BCL7B: variants seen among roughly 807,000 people sequenced by gnomAD.
The protein encoded by BCL7B is B-cell CLL/lymphoma 7 protein family member B.
BCL7B carries 11 observed loss-of-function variants against 26.5 expected under a neutral mutation model. The observed-to-expected ratio is 0.42, with a 90% CI of 0.26 to 0.69. BCL7B has a LOEUF of 0.69. Among genes scored for constraint, BCL7B ranks in the 30% least tolerant of loss-of-function variants. The pLI is 0.28. For synonymous variants in BCL7B, 111 were observed against 107.9 expected, an observed-to-expected ratio of 1.03 and a Z score of -0.18; for missense variants, 215 against 264.4, an observed-to-expected ratio of 0.81 and a Z score of 1.30.
At chr7:73,551,075 C>G (rs1009650320) in intron 2 of BCL7B, among the ~76,000 whole-genome samples, 1 of 152,134 alleles carries the variant, frequency 6.6e-6, no homozygotes, top group Non-Finnish European at 1.5e-5. Flanking sequence ...AGGTCTACAC[C>G]AGAATTAGAA....
At chr7:73,550,803 G>A (rs10226965) in intron 2 of BCL7B, among the ~76,000 whole-genome samples, 6,351 of 151,472 alleles carry the variant, frequency 0.042, 452 homozygotes, top group African/African-American at 0.14. Context: ...GACTACAGGC[G>A]CCCACCACCA....
rs139761938 is a variant in BCL7B, at chr7:73,537,872, C to G, written c.516+62G>C. ...CACCACTGCACTCTAGTCTGGGCAA[C>G]AGCGAGACCCTGCCTTAAACCAAAA... is the stretch of plus-strand genomic sequence containing the variant. On this transcript the variant is annotated intron_variant, in intron 5 of 5. Transcript: ENST00000223368. 1,656 of 1,277,312 alleles carry G rather than the reference C, an allele frequency of 1.3e-3. 4 individuals carry two copies. Among genetic ancestry groups the G allele is most frequent in the Non-Finnish European group, 1.7e-3 (1,522 of 915,406 alleles). The allele number at this position is 1,277,312 out of a possible 1,614,324, so 79.1% of individuals were successfully genotyped here. A position where few individuals can be genotyped will look rare whatever the true frequency, so the allele number is the denominator to read the frequency against.
At chr7:73,548,256 T>C (rs577803981) in intron 2 of BCL7B, among the ~76,000 whole-genome samples, 89 of 151,974 alleles carry the variant, frequency 5.9e-4, no homozygotes, top group African/African-American at 2.1e-3. Context: ...GGTAAAACCC[T>C]GTCTCTACTA....
rs782453659 is a variant in BCL7B, at chr7:73,539,907, T to C, written c.411A>G (p.Pro137=). ...CCTCCAGGATCTCCTGGCCCAGCGT[T>C]GGGGGCTGGGAGTCATCCGTGCGGA... ...SDFRTDDSQP[P]TLGQEILEEP... Residue 137 remains proline (P), a synonymous_variant, in exon 4 of 6, where the codon CCA becomes CCG. Transcript: ENST00000223368. 6.2e-6 allele frequency: 10 copies of C among 1,613,834 alleles called. No individual in the cohort carries two copies. In the South Asian group the frequency reaches 1.1e-4, roughly 18 times the overall value.
chr7:73,542,425 T>C (rs189438734), intron 3 of BCL7B, among the ~76,000 whole-genome samples: 20 of 152,328 alleles, frequency 1.3e-4, no homozygotes, highest in Admixed American at 9.2e-4. Flanking sequence ...CATAAACTCA[T>C]GCTAGTCTTG....
intron 1 of BCL7B, among the ~76,000 whole-genome samples, chr7:73,552,989 A>G (rs1454922201): frequency 1.3e-5 from 2 of 152,028 alleles, no homozygotes; most frequent in Admixed American, 6.6e-5. Context: ...TGGCACAATC[A>G]TAACTCACTG....
rs782454756 is a variant in BCL7B, at chr7:73,557,479, C to A, written c.92+8G>T. 2.1e-6 allele frequency: 3 copies of A among 1,414,354 alleles called. No individual in the cohort carries two copies. Among genetic ancestry groups the A allele is most frequent in the South Asian group, 1.5e-5 (1 of 66,500 alleles). 87.6% of individuals were successfully genotyped at this position (1,414,354 alleles called of 1,614,324 possible). On this transcript the variant is annotated splice_region_variant and intron_variant, in intron 1 of 5. Coordinates refer to ENST00000223368, the MANE Select transcript of BCL7B (RefSeq NM_001707.4). ...CCCCCGCCAGCCCCCTAAGCTCCGG[C>A]CCCTCACCATTTCCGCACTTTCTCG...
rs782570753 is a variant in BCL7B, at chr7:73,540,051, G to A, written c.267C>T (p.Asp89=). The change falls in exon 4 of 6, where the codon GAC becomes GAT. Residue 89 remains aspartate, a splice_region_variant and synonymous_variant. Coordinates refer to ENST00000223368, the MANE Select transcript of BCL7B (RefSeq NM_001707.4). ...ACACGGAACTCTGGTTGCTGTTTTC[G>A]TCTGAAAACCAAACAGAACAAAGGC... The part of the protein sequence containing the change: ...ANSSLLLEFQ[D]ENSNQSSVSD... 25 of 1,613,144 alleles carry A rather than the reference G, an allele frequency of 1.5e-5. No homozygotes were observed. Among genetic ancestry groups the A allele is most frequent in the Middle Eastern group, 1.6e-4 (1 of 6,084 alleles).
intron 4 of BCL7B, among the ~76,000 whole-genome samples, chr7:73,539,208 C>A (rs186053073): frequency 3.2e-4 from 49 of 152,244 alleles, no homozygotes; most frequent in African/African-American, 1.1e-3. Context: ...GATCCACCCA[C>A]TTCGGCCTCC....
In BCL7B at chr7:73,537,137, G is replaced by A; in HGVS notation, c.*161C>T. ...ACACAGGTGCCAGGGTCAGGAAGAT[G>A]ATGCTACAGCCCCAAGTCCTACGCC... On this transcript the variant is annotated 3_prime_UTR_variant, in exon 6 of 6. Transcript: ENST00000223368. 2 of 595,952 alleles carry A rather than the reference G, an allele frequency of 3.4e-6. No homozygotes were observed. The highest frequency in any genetic ancestry group is 3.0e-6 in the Non-Finnish European group (1 of 338,018). 36.9% of individuals were successfully genotyped at this position (595,952 alleles called of 1,614,324 possible).
chr7:73,557,644 G>GCGCCGCCGCCCGCCCGC lies in BCL7B; in HGVS notation c.-83_-67dup, dbSNP rs1241705608. 5.0e-6 allele frequency: 5 copies of GCGCCGCCGCCCGCCCGC among 1,005,006 alleles called. No individual in the cohort carries two copies. The African/African-American group carries it at 8.6e-5, about 17-fold the overall frequency. 62.3% of individuals were successfully genotyped at this position (1,005,006 alleles called of 1,614,324 possible). ...AGACACCGGGGATCGCGCGCCTCAC[G>GCGCCGCCGCCCGCCCGC]CGCCGCCGCCCGCCCGCCGCCGCCG... On this transcript the variant is annotated 5_prime_UTR_variant, in exon 1 of 6. Coordinates refer to ENST00000223368, the MANE Select transcript of BCL7B (RefSeq NM_001707.4).
intron 1 of BCL7B, among the ~76,000 whole-genome samples, chr7:73,555,666 G>C (rs1463506455): frequency 2.6e-5 from 4 of 152,278 alleles, no homozygotes; most frequent in African/African-American, 9.6e-5. Context: ...GAGGCAGGAA[G>C]GAGGGCCTTC....
intron 1 of BCL7B, among the ~76,000 whole-genome samples, chr7:73,554,170 C>T (rs1245723683): frequency 2.0e-5 from 3 of 151,228 alleles, no homozygotes; most frequent in Non-Finnish European, 4.4e-5. Flanking sequence ...ACCATGTTGC[C>T]CAGGTTGATC....
chr7:73,554,205 C>T (rs1192074497), intron 1 of BCL7B, among the ~76,000 whole-genome samples: 2 of 151,560 alleles, frequency 1.3e-5, no homozygotes, highest in African/African-American at 4.8e-5. Context: ...TCAAGCGATC[C>T]TCTTGCCTCA....
chr7:73,543,471 C>T lies in BCL7B; in HGVS notation c.265+77G>A. On this transcript the variant is annotated intron_variant, in intron 3 of 5. Coordinates refer to ENST00000223368, the MANE Select transcript of BCL7B (RefSeq NM_001707.4). ...GAGGTTACAGGTGTGAGTCACTGCA[C>T]CTGGCCAATTCTTCTTATTAATGCA... The T allele has an allele frequency of 2.2e-6, 3 of 1,392,448 alleles. No homozygotes were observed. In the East Asian group the frequency reaches 7.0e-5, roughly 32 times the overall value. The allele number at this position is 1,392,448 out of a possible 1,614,324, so 86.3% of individuals were successfully genotyped here. A position where few individuals can be genotyped will look rare whatever the true frequency, so the allele number is the denominator to read the frequency against.
intron 2 of BCL7B, among the ~76,000 whole-genome samples, chr7:73,549,729 C>A (rs1792086863): frequency 6.6e-6 from 1 of 152,190 alleles, no homozygotes; most frequent in Non-Finnish European, 1.5e-5. Flanking sequence ...TCTCAGGAGG[C>A]TGAGGTGGGA....
intron 4 of BCL7B, 111 bp from the exon 5 acceptor site, chr7:73,538,124 G>A: frequency 1.8e-6 from 1 of 569,688 alleles, no homozygotes. Context: ...GAGAATACTG[G>A]CCTGAGAAGC....
Position 73,540,178 on chromosome 7 carries a change from T to C in BCL7B, c.266-126A>G, listed in dbSNP as rs1791702917. 3.0e-6 allele frequency: 3 copies of C among 1,000,794 alleles called. No homozygotes were observed. The Admixed American group carries it at 7.6e-5, about 25-fold the overall frequency. The allele number at this position is 1,000,794 out of a possible 1,614,324, so 62.0% of individuals were successfully genotyped here. On this transcript the variant is annotated intron_variant, in intron 3 of 5. Transcript: ENST00000223368. ...AGGATACAACTGAGTATAATAATCA[T>C]TGTGCCCGGCCTACACGACATAGAT...
At chr7:73,550,936 C>T (rs146929067) in intron 2 of BCL7B, among the ~76,000 whole-genome samples, 9 of 152,248 alleles carry the variant, frequency 5.9e-5, no homozygotes, top group African/African-American at 1.7e-4. Flanking sequence ...GGATTACAGG[C>T]GTGAGCCACC....
Sources: allele counts gnomAD v4.1 joint callset (sites outside exome capture counted in the v4.1 genomes callset), GRCh38; gene constraint gnomAD v4.1.1; transcripts MANE v1.5; gene names NCBI Gene and HGNC (gene_info 2026-07-23, HGNC 2026-07-21).